TXNRD3: variants seen among roughly 807,000 people sequenced by gnomAD.
TXNRD3 encodes the protein TXNRD3 neighbor gene protein.
Under a neutral mutation model 78.2 loss-of-function variants are expected in TXNRD3, and 68 were observed. The observed-to-expected ratio is 0.87, with a 90% CI of 0.72 to 1.06. The LOEUF (loss-of-function observed/expected upper bound fraction) is 1.06, where lower values mean the gene tolerates loss of function less well. TXNRD3 is among the 50% of genes least tolerant of loss of function. The pLI, the probability that TXNRD3 is intolerant of heterozygous loss-of-function variation, is 0.00. For synonymous variants in TXNRD3, 296 were observed against 300.1 expected, an observed-to-expected ratio of 0.99 and a Z score of 0.14; for missense variants, 751 against 809.5, an observed-to-expected ratio of 0.93 and a Z score of 0.88.
At chr3:126,625,893 A>G (rs1938569372) in intron 10 of TXNRD3, 1 of 152,562 alleles carries the variant, frequency 6.6e-6, no homozygotes, top group Non-Finnish European at 1.5e-5. Flanking sequence ...GAACAGCAGT[A>G]TATTCTTTAC....
Position 126,607,907 on chromosome 3 carries a change from A to C in TXNRD3, c.1930T>G (p.Ter644GluextTer?). The C allele has an allele frequency of 1.3e-6, 2 of 1,514,160 alleles. No individual in the cohort carries two copies. Among genetic ancestry groups the C allele is most frequent in the Middle Eastern group, 1.7e-4 (1 of 5,946 alleles). 93.8% of individuals were successfully genotyped at this position (1,514,160 alleles called of 1,614,324 possible). A position where few individuals can be genotyped will look rare whatever the true frequency, so the allele number is the denominator to read the frequency against. The stretch of plus-strand genomic sequence containing the variant: ...AGGAGAACTAAACAGCAGCAGGCCT[A>C]GCCTCAGCAGCCTTTCTGAGTGATG... The change falls in exon 16 of 16, where the codon TAG (stop) becomes GAG (glutamate). Residue 644 changes from the stop codon to glutamate (E), a stop_lost. Coordinates refer to ENST00000524230, the MANE Select transcript of TXNRD3 (RefSeq NM_052883.3).
At chr3:126,631,099 T>C (rs776664513) in intron 8 of TXNRD3, among the ~76,000 whole-genome samples, 162 bp from the exon 9 acceptor site, 7 of 152,104 alleles carry the variant, frequency 4.6e-5, no homozygotes, top group African/African-American at 9.7e-5. Flanking sequence ...GTGGAGAGAA[T>C]GTGGAACAAG....
intron 12 of TXNRD3, among the ~76,000 whole-genome samples, 163 bp downstream of exon 12, chr3:126,621,579 C>T (rs1938457731): frequency 6.6e-6 from 1 of 152,176 alleles, no homozygotes; most frequent in African/African-American, 2.4e-5. Context: ...AGTGGACACT[C>T]AAAAATACTT....
chr3:126,643,896 G>A (rs1933153885), intron 5 of TXNRD3, 85 bp downstream of exon 5: 4 of 1,292,160 alleles, frequency 3.1e-6, no homozygotes, highest in African/African-American at 3.0e-5. Flanking sequence ...TACCTCTTGA[G>A]ATTGTTGTGA....
chr3:126,646,318 A>ACACTGACCTGTTATGAGTATG, intron 2 of TXNRD3, 98 bp from the exon 3 acceptor site: 1 of 933,634 alleles, frequency 1.1e-6, no homozygotes, highest in Non-Finnish European at 1.5e-6. Flanking sequence ...TCACATGTAC[A>ACACTGACCTGTTATGAGTATG]TACTCATAAC....
At chr3:126,623,860 A>G (rs1392687548) in intron 10 of TXNRD3, among the ~76,000 whole-genome samples, 17 of 150,968 alleles carry the variant, frequency 1.1e-4, no homozygotes, top group East Asian at 1.9e-4. Flanking sequence ...GCCAAAAAAA[A>G]AAAAAAAAAA....
chr3:126,621,644 C>A (rs1337163084), intron 12 of TXNRD3, 98 bp downstream of exon 12: 5 of 1,169,134 alleles, frequency 4.3e-6, no homozygotes, highest in South Asian at 3.7e-5. Flanking sequence ...TCTGAGGAAC[C>A]CTTTACTTGG....
intron 6 of TXNRD3, among the ~76,000 whole-genome samples, chr3:126,634,473 T>C (rs1027323952): frequency 6.6e-6 from 1 of 152,216 alleles, no homozygotes; most frequent in Non-Finnish European, 1.5e-5. Context: ...CAGACTGGCA[T>C]GGTTCCACTC....
At chr3:126,619,843 C>T (rs1021727531) in intron 12 of TXNRD3, among the ~76,000 whole-genome samples, 26 of 152,122 alleles carry the variant, frequency 1.7e-4, no homozygotes, top group African/African-American at 6.0e-4. Flanking sequence ...TATGTACAAT[C>T]ATTATGTGTC....
chr3:126,642,207 C>A, intron 5 of TXNRD3, 56 bp from the exon 6 acceptor site: 1 of 1,490,254 alleles, frequency 6.7e-7, no homozygotes, highest in Non-Finnish European at 8.9e-7. Flanking sequence ...CACACATCTG[C>A]AATCATATTA....
intron 4 of TXNRD3, 94 bp downstream of exon 4, chr3:126,644,203 T>C (rs1933169570): frequency 7.3e-7 from 1 of 1,375,872 alleles, no homozygotes. Context: ...AAGCTTAAAC[T>C]GTAACATTAG....
At position 126,654,809 on chromosome 3, in the gene TXNRD3, C is replaced by T; in HGVS notation, c.182G>A (p.Gly61Asp). 7.0e-7 allele frequency: 1 copy of T among 1,425,560 alleles called. No individual in the cohort carries two copies. Among genetic ancestry groups the T allele is most frequent in the Non-Finnish European group, 9.2e-7 (1 of 1,090,568 alleles). 88.3% of individuals were successfully genotyped at this position (1,425,560 alleles called of 1,614,324 possible). A position where few individuals can be genotyped will look rare whatever the true frequency, so the allele number is the denominator to read the frequency against. ...CACCACCCGGCTGCGCTCGATGAGG[C>T]CCACGAGGTGGCGGCGCAGCTCCTC... The change falls in exon 1 of 16, where the codon GGC becomes GAC. Residue 61 changes from glycine to aspartate, a missense_variant. Transcript: ENST00000524230.
chr3:126,642,104 T>A lies in TXNRD3; in HGVS notation c.640A>T (p.Met214Leu). 1.3e-6 allele frequency: 2 copies of A among 1,536,334 alleles called. No individual in the cohort carries two copies. The highest frequency in any genetic ancestry group is 1.7e-6 in the Non-Finnish European group (2 of 1,146,910). ...TGCCCCAAAAGGGCAGCCTGATGCA[T>A]CAATTTCTTAGGAATACAACCTACA... Residue 214 changes from methionine (M) to leucine (L), a missense_variant, in exon 6 of 16, where the codon ATG becomes TTG. Transcript: ENST00000524230.
chr3:126,644,760 A>T (rs1559779413), intron 3 of TXNRD3, among the ~76,000 whole-genome samples: 1 of 152,270 alleles, frequency 6.6e-6, no homozygotes, highest in African/African-American at 2.4e-5. Context: ...ATCATTTTTC[A>T]TTAGCTCACT....
chr3:126,623,799 C>T (rs903091044), intron 10 of TXNRD3, among the ~76,000 whole-genome samples: 2 of 132,260 alleles, frequency 1.5e-5, no homozygotes, highest in Non-Finnish European at 1.6e-5. Context: ...CATGCCCATT[C>T]TCACCATTTC....
At chr3:126,611,249 T>C (rs1938192935) in intron 13 of TXNRD3, 117 bp from the exon 14 acceptor site, 2 of 543,682 alleles carry the variant, frequency 3.7e-6, no homozygotes, top group Non-Finnish European at 5.7e-6. Flanking sequence ...AAATTCAAAG[T>C]TCAGTGACCC....
At chr3:126,641,257 A>T (rs1232882131) in intron 6 of TXNRD3, among the ~76,000 whole-genome samples, 1 of 152,012 alleles carries the variant, frequency 6.6e-6, no homozygotes, top group East Asian at 1.9e-4. Context: ...TGACAGTAGG[A>T]CTCAGAATCA....
At chr3:126,644,170 A>G in intron 4 of TXNRD3, 117 bp from the exon 5 acceptor site, 1 of 1,362,446 alleles carries the variant, frequency 7.3e-7, no homozygotes, top group Non-Finnish European at 1.0e-6. Flanking sequence ...CTTTTACCTG[A>G]ATTATACCAG....
In TXNRD3 at chr3:126,647,223, C is replaced by T. The variant is rs764819178; in HGVS notation, c.304+13G>A. ...TATTATAAACAACACTATGTTGTAA[C>T]TGGTCTACTTACCAACTTGATCAAG... On this transcript the variant is annotated intron_variant, in intron 2 of 15. Transcript: ENST00000524230. 1.3e-6 allele frequency: 2 copies of T among 1,529,678 alleles called. No individual in the cohort carries two copies. Among genetic ancestry groups the T allele is most frequent in the South Asian group, 1.2e-5 (1 of 83,552 alleles). 94.8% of individuals were successfully genotyped at this position (1,529,678 alleles called of 1,614,324 possible). A position where few individuals can be genotyped will look rare whatever the true frequency, so the allele number is the denominator to read the frequency against.
Sources: gnomAD v4.1 joint callset for allele counts (sites outside exome capture counted in the v4.1 genomes callset) on GRCh38, gnomAD v4.1.1 for gene constraint, MANE v1.5 for transcripts, NCBI Gene and HGNC (gene_info 2026-07-23, HGNC 2026-07-21) for gene names.